NT5DC1: variants seen among roughly 807,000 people sequenced by gnomAD.
NT5DC1 encodes 5'-nucleotidase domain containing 1, also known as 5'-nucleotidase domain-containing protein 1.
Under a neutral mutation model 59.4 loss-of-function variants are expected in NT5DC1, and 42 were observed. The ratio of observed to expected loss-of-function variants is 0.71; its 90% confidence interval spans 0.55 to 0.92. The LOEUF (loss-of-function observed/expected upper bound fraction) is 0.92. NT5DC1 is among the 40% of genes least tolerant of loss of function. NT5DC1 has a pLI of 0.00. For synonymous variants in NT5DC1, 172 were observed against 188.1 expected (o/e 0.91, Z 0.70); for missense variants, 501 against 537.1 (o/e 0.93, Z 0.66).
intron 8 of NT5DC1, among the ~76,000 whole-genome samples, chr6:116,234,514 A>G (rs1266996196): frequency 6.7e-6 from 1 of 150,096 alleles, no homozygotes; most frequent in Non-Finnish European, 1.5e-5. Context: ...GAATTTGTGT[A>G]GTTTTTGAAG....
chr6:116,238,051 A>G (rs1782154318), intron 9 of NT5DC1, 136 bp from the exon 10 acceptor site: 3 of 562,384 alleles, frequency 5.3e-6, no homozygotes, highest in African/African-American at 1.9e-5. Flanking sequence ...AGATTATTCA[A>G]ATAAGTGAAG....
rs1262096093 is a variant in NT5DC1 at position 116,179,095 on chromosome 6, A to G, written c.530-41959A>G. Among the ~76,000 whole-genome samples the G allele has an allele frequency of 1.4e-4, 22 of 152,258 alleles. 1 individual carries two copies. Among genetic ancestry groups the G allele is most frequent in the Admixed American group, 9.2e-4 (14 of 15,278 alleles). ...TGTTTTTTCTTCTTATTTATTTAAC[A>G]TAAGTAGAGATATTTAGCTTCAGGA... On this transcript the variant is annotated intron_variant, in intron 6 of 11. Coordinates refer to ENST00000319550, the MANE Select transcript of NT5DC1 (RefSeq NM_152729.3).
intron 6 of NT5DC1, chr6:116,125,556 T>C: frequency 6.5e-7 from 1 of 1,549,172 alleles, no homozygotes; most frequent in Non-Finnish European, 8.9e-7. Context: ...ATTAACCTAT[T>C]TTTTTATTCT....
chr6:116,232,557 A>G (rs1782038549), intron 8 of NT5DC1, among the ~76,000 whole-genome samples: 2 of 152,008 alleles, frequency 1.3e-5, no homozygotes, highest in South Asian at 4.2e-4. Flanking sequence ...ATTTTTAAAC[A>G]TTAATAAAGT....
chr6:116,243,412 T>G (rs944331001), intron 11 of NT5DC1, among the ~76,000 whole-genome samples: 4 of 152,062 alleles, frequency 2.6e-5, no homozygotes, highest in Non-Finnish European at 5.9e-5. Context: ...TCTCTAAATG[T>G]GATTTGACTT....
intron 6 of NT5DC1, among the ~76,000 whole-genome samples, chr6:116,138,655 G>A (rs1452998061): frequency 6.6e-6 from 1 of 152,132 alleles, no homozygotes. Flanking sequence ...TTAAAAGGCA[G>A]AATAGTATGA....
intron 6 of NT5DC1, among the ~76,000 whole-genome samples, chr6:116,186,278 G>A (rs1780996032): frequency 6.6e-6 from 1 of 151,454 alleles, no homozygotes; most frequent in African/African-American, 2.4e-5. Context: ...GTTACCTGAT[G>A]CTTTTGTCTC....
At chr6:116,112,520 G>C (rs1443794392) in intron 4 of NT5DC1, among the ~76,000 whole-genome samples, 1 of 152,164 alleles carries the variant, frequency 6.6e-6, no homozygotes, top group Non-Finnish European at 1.5e-5. Context: ...AAGGAATTAT[G>C]TATTTACCTT....
intron 11 of NT5DC1, among the ~76,000 whole-genome samples, chr6:116,241,081 T>G (rs913019904): frequency 4.6e-5 from 7 of 150,846 alleles, no homozygotes; most frequent in Middle Eastern, 3.4e-3. Context: ...GAGGCAGAGG[T>G]TGCAGTGAGC....
intron 6 of NT5DC1, among the ~76,000 whole-genome samples, chr6:116,212,447 G>A (rs891040997): frequency 6.6e-6 from 1 of 152,048 alleles, no homozygotes; most frequent in African/African-American, 2.4e-5. Flanking sequence ...GTAATCCTTT[G>A]TGATTATAAT....
chr6:116,200,538 CT>C (rs1169852245), intron 6 of NT5DC1, among the ~76,000 whole-genome samples: 1 of 151,916 alleles, frequency 6.6e-6, no homozygotes, highest in Non-Finnish European at 1.5e-5. Flanking sequence ...CCATCTAAAA[CT>C]ACTAAAATTA....
At chr6:116,237,116 C>A in intron 9 of NT5DC1, 32 bp downstream of exon 9, 1 of 1,204,718 alleles carries the variant, frequency 8.3e-7, no homozygotes, top group Non-Finnish European at 1.2e-6. Flanking sequence ...GTCCTCAGTG[C>A]CCACTTGCAG....
At chr6:116,180,428 C>A (rs1002322116) in intron 6 of NT5DC1, among the ~76,000 whole-genome samples, 1 of 152,110 alleles carries the variant, frequency 6.6e-6, no homozygotes, top group African/African-American at 2.4e-5. Flanking sequence ...ACTTTATAAT[C>A]CCTAATGAAA....
chr6:116,131,123 A>G (rs938085901), intron 6 of NT5DC1, among the ~76,000 whole-genome samples: 2 of 152,182 alleles, frequency 1.3e-5, no homozygotes, highest in Non-Finnish European at 2.9e-5. Context: ...ATGTTTAACA[A>G]CCAACCTGAG....
intron 6 of NT5DC1, among the ~76,000 whole-genome samples, chr6:116,186,920 T>C (rs571882741): frequency 6.6e-6 from 1 of 152,234 alleles, no homozygotes; most frequent in Admixed American, 6.5e-5. Flanking sequence ...GCTAGTGTTA[T>C]CTTTTGGGGG....
intron 6 of NT5DC1, among the ~76,000 whole-genome samples, chr6:116,154,250 A>G (rs1308224779): frequency 6.6e-6 from 1 of 152,174 alleles, no homozygotes; most frequent in African/African-American, 2.4e-5. Flanking sequence ...TGATAAATAT[A>G]TTCAATATTT....
chr6:116,130,395 A>T (rs992220690), intron 6 of NT5DC1, among the ~76,000 whole-genome samples: 1 of 152,092 alleles, frequency 6.6e-6, no homozygotes, highest in Non-Finnish European at 1.5e-5. Flanking sequence ...TTGGCCAGTG[A>T]GAGCCTCTCC....
intron 6 of NT5DC1, among the ~76,000 whole-genome samples, chr6:116,138,591 C>T (rs1435696532): frequency 6.6e-6 from 1 of 152,048 alleles, no homozygotes; most frequent in Non-Finnish European, 1.5e-5. Context: ...GTTTTTATTT[C>T]GAAGAAGTGT....
chr6:116,142,054 T>C (rs1009483304), intron 6 of NT5DC1, among the ~76,000 whole-genome samples: 5 of 152,096 alleles, frequency 3.3e-5, no homozygotes, highest in African/African-American at 1.2e-4. Context: ...ATTTAATAGC[T>C]GATTTGTACA....
Sources: gnomAD v4.1 joint callset for allele counts (sites outside exome capture counted in the v4.1 genomes callset) on GRCh38, gnomAD v4.1.1 for gene constraint, MANE v1.5 for transcripts, NCBI Gene and HGNC (gene_info 2026-07-23, HGNC 2026-07-21) for gene names.